Variants in LGR5 observed in about 807,000 individuals in gnomAD.
LGR5 encodes the protein leucine-rich repeat-containing G protein-coupled receptor 5.
A neutral mutation model predicts 76.7 loss-of-function variants in LGR5; 54 were observed. The observed-to-expected ratio is 0.70, with a 90% CI of 0.57 to 0.88. The LOEUF is 0.88. LGR5 is among the 40% of genes least tolerant of loss of function. The pLI is 0.00. For missense variants in LGR5, 1,078 were observed against 1,073.3 expected, an observed-to-expected ratio of 1.00 and a Z score of -0.06; for synonymous variants, 406 against 421.9, an observed-to-expected ratio of 0.96 and a Z score of 0.46.
chr12:71,583,744 G>A lies in LGR5; in HGVS notation c.1734G>A (p.Val578=), dbSNP rs558066091. ...AVLALTCNAL[V]TSTVFRSPLY... Reference sequence around the variant, plus strand: ...TGGCACTTACTTGTAATGCTTTGGTGACTTCAACAGTTTTCAGATCCCCTC... The same window carrying A: ...TGGCACTTACTTGTAATGCTTTGGTAACTTCAACAGTTTTCAGATCCCCTC... Residue 578 remains valine, a synonymous_variant, in exon 18 of 18, where the codon GTG becomes GTA. Transcript: ENST00000266674. 22 of 1,614,090 alleles carry A rather than the reference G, an allele frequency of 1.4e-5. No homozygotes were observed. The Admixed American group carries it at 3.2e-4, about 23-fold the overall frequency.
rs117413872 is a variant in LGR5 at position 71,521,570 on chromosome 12, C to A, written c.285-2836C>A. 1.6e-3 allele frequency among the ~76,000 whole-genome samples: 248 copies of A among 152,300 alleles called. 3 individuals are homozygous for A. The East Asian group carries it at 0.025, about 15-fold the overall frequency. ...GGTGATACAGGTGTTTCACATATCACTTTTGATCACAGTTGAGTTTAGTCA... is the reference window on the plus strand; with the variant it reads ...GGTGATACAGGTGTTTCACATATCAATTTTGATCACAGTTGAGTTTAGTCA... On this transcript the variant is annotated intron_variant, in intron 2 of 17. Coordinates refer to ENST00000266674, the MANE Select transcript of LGR5 (RefSeq NM_003667.4).
At chr12:71,544,623 AGAGTACATATAG>A (rs1877061597) in intron 4 of LGR5, among the ~76,000 whole-genome samples, 1 of 151,680 alleles carries the variant, frequency 6.6e-6, no homozygotes, top group African/African-American at 2.4e-5. Flanking sequence ...TCAAGCTGTA[AGAGTACATATAG>A]ATTAAATAAT....
intron 2 of LGR5, among the ~76,000 whole-genome samples, chr12:71,507,421 A>T (rs984023221): frequency 1.3e-5 from 2 of 152,082 alleles, no homozygotes; most frequent in Non-Finnish European, 2.9e-5. Flanking sequence ...CAGTGTGTAT[A>T]TATGTGTCTG....
Position 71,504,747 on chromosome 12 carries a change from C to T in LGR5, c.284+62C>T, listed in dbSNP as rs948037590. 8.6e-6 allele frequency: 11 copies of T among 1,285,338 alleles called. No individual in the cohort carries two copies. The Admixed American group carries it at 1.0e-4, about 12-fold the overall frequency. The allele number at this position is 1,285,338 out of a possible 1,614,324, so 79.6% of individuals were successfully genotyped here. A position where few individuals can be genotyped will look rare whatever the true frequency, so the allele number is the denominator to read the frequency against. ...ACTGGGCACATTCTTGTGTTTGTCT[C>T]TCATACTTACTGTGGGAACCAGATA... is the stretch of plus-strand genomic sequence containing the variant. On this transcript the variant is annotated intron_variant, in intron 2 of 17. Transcript: ENST00000266674.
At chr12:71,550,101 C>T (rs1462965381) in intron 4 of LGR5, among the ~76,000 whole-genome samples, 1 of 152,228 alleles carries the variant, frequency 6.6e-6, no homozygotes, top group South Asian at 2.1e-4. Context: ...CTGAAAGAGC[C>T]TTTTCCATAA....
At chr12:71,442,797 A>T (rs558134414) in intron 1 of LGR5, among the ~76,000 whole-genome samples, 1 of 152,310 alleles carries the variant, frequency 6.6e-6, no homozygotes, top group East Asian at 1.9e-4. Context: ...GTATTCTCTG[A>T]CCATTTCTGT....
chr12:71,501,391 G>C (rs1017137010), intron 1 of LGR5, among the ~76,000 whole-genome samples: 1 of 152,132 alleles, frequency 6.6e-6, no homozygotes, highest in African/African-American at 2.4e-5. Context: ...AAACTTAGAG[G>C]CCACCTCACC....
chr12:71,459,401 G>A (rs942268211), intron 1 of LGR5, among the ~76,000 whole-genome samples: 16 of 152,044 alleles, frequency 1.1e-4, no homozygotes, highest in African/African-American at 3.9e-4. Flanking sequence ...GCATTTGATG[G>A]GGAAGCCAGA....
At chr12:71,571,668 T>G (rs1878617246) in intron 12 of LGR5, 89 bp downstream of exon 12, 1 of 907,272 alleles carries the variant, frequency 1.1e-6, no homozygotes, top group Non-Finnish European at 1.8e-6. Flanking sequence ...ACCCTGTGGT[T>G]CACTGGGGAG....
chr12:71,493,311 G>A lies in LGR5; in HGVS notation c.213-11303G>A, dbSNP rs779752773. On this transcript the variant is annotated intron_variant, in intron 1 of 17. Transcript: ENST00000266674. ...CTGCTCTTTTTATCCATTTGTGTAC[G>A]TCTCTGGGTCTTAATATTATGTGTA... is the stretch of plus-strand genomic sequence containing the variant. Among the ~76,000 whole-genome samples, 25 of 151,056 alleles carry A rather than the reference G, an allele frequency of 1.7e-4. 1 individual carries two copies. The highest frequency in any genetic ancestry group is 1.6e-4 in the Non-Finnish European group (11 of 68,014).
chr12:71,566,531 A>C, intron 9 of LGR5, 56 bp downstream of exon 9: 1 of 1,539,126 alleles, frequency 6.5e-7, no homozygotes, highest in Non-Finnish European at 9.0e-7. Context: ...GCTGTGAAAA[A>C]CCAAATGAAT....
At chr12:71,487,866 T>C (rs1359283080) in intron 1 of LGR5, among the ~76,000 whole-genome samples, 3 of 152,198 alleles carry the variant, frequency 2.0e-5, no homozygotes, top group African/African-American at 7.2e-5. Flanking sequence ...CTGTGAAGGT[T>C]TTCTATGCGT....
At chr12:71,460,390 C>T (rs570941062) in intron 1 of LGR5, among the ~76,000 whole-genome samples, 3 of 152,122 alleles carry the variant, frequency 2.0e-5, no homozygotes, top group African/African-American at 4.8e-5. Flanking sequence ...CCAAATAAAG[C>T]GTAAGGTCCT....
intron 2 of LGR5, among the ~76,000 whole-genome samples, chr12:71,519,261 A>C (rs1232639192): frequency 6.6e-6 from 1 of 152,188 alleles, no homozygotes; most frequent in East Asian, 1.9e-4. Flanking sequence ...GCATCTGCTG[A>C]AATGCCTACT....
intron 4 of LGR5, among the ~76,000 whole-genome samples, chr12:71,550,031 T>C (rs996268542): frequency 2.6e-5 from 4 of 152,148 alleles, no homozygotes; most frequent in Admixed American, 2.6e-4. Flanking sequence ...CACTTCAAGA[T>C]ACAGCAGAAA....
At chr12:71,491,250 A>G (rs1874057827) in intron 1 of LGR5, among the ~76,000 whole-genome samples, 1 of 152,208 alleles carries the variant, frequency 6.6e-6, no homozygotes, top group Non-Finnish European at 1.5e-5. Flanking sequence ...ACTAATACAG[A>G]CTTTAAGACA....
At chr12:71,457,798 T>C (rs1490593246) in intron 1 of LGR5, among the ~76,000 whole-genome samples, 1 of 152,184 alleles carries the variant, frequency 6.6e-6, no homozygotes, top group East Asian at 1.9e-4. Flanking sequence ...TGTGAGTTGT[T>C]GGAGGCAGTT....
chr12:71,567,382 A>G (rs1216196802), intron 11 of LGR5: 1 of 158,084 alleles, frequency 6.3e-6, no homozygotes, highest in South Asian at 1.9e-4. Flanking sequence ...ATGGTTAAAC[A>G]GCTTGCATAT....
At chr12:71,496,050 A>G (rs1429803781) in intron 1 of LGR5, among the ~76,000 whole-genome samples, 1 of 152,190 alleles carries the variant, frequency 6.6e-6, no homozygotes, top group Non-Finnish European at 1.5e-5. Flanking sequence ...ATGTGACATC[A>G]CTGTACATGC....
Sources: gnomAD v4.1 joint callset for allele counts (sites outside exome capture counted in the v4.1 genomes callset) on GRCh38, gnomAD v4.1.1 for gene constraint, MANE v1.5 for transcripts, NCBI Gene and HGNC (gene_info 2026-07-23, HGNC 2026-07-21) for gene names.